Variants in SBF2 observed in about 807,000 individuals in gnomAD.
SBF2 encodes myotubularin-related protein 13.
SBF2 carries 112 observed loss-of-function variants against 225.2 expected under a neutral mutation model. The observed-to-expected ratio is 0.50, with a 90% CI of 0.43 to 0.58. SBF2 has a LOEUF of 0.58. Among genes scored for constraint, SBF2 ranks in the 20% least tolerant of loss-of-function variants. The pLI, the probability that SBF2 is intolerant of heterozygous loss-of-function variation, is 0.00. For missense variants in SBF2, 1,996 were observed against 2,206.2 expected, an observed-to-expected ratio of 0.90 and a Z score of 1.91; for synonymous variants, 763 against 773.3, an observed-to-expected ratio of 0.99 and a Z score of 0.22.
At chr11:10,261,018 C>G (rs1323310883) in intron 1 of SBF2, among the ~76,000 whole-genome samples, 1 of 152,118 alleles carries the variant, frequency 6.6e-6, no homozygotes, top group Non-Finnish European at 1.5e-5. Flanking sequence ...GGCAAATGAT[C>G]TGAACAGACC....
At chr11:9,880,033 G>A (rs1251223890) in intron 17 of SBF2, among the ~76,000 whole-genome samples, 1 of 135,554 alleles carries the variant, frequency 7.4e-6, no homozygotes, top group African/African-American at 2.8e-5. Flanking sequence ...GCAGTGAGAT[G>A]AGATCGTGCC....
intron 16 of SBF2, among the ~76,000 whole-genome samples, chr11:9,899,501 C>A (rs375073749): frequency 3.6e-3 from 463 of 129,934 alleles, no homozygotes; most frequent in Non-Finnish European, 3.7e-3. Flanking sequence ...GAGACACTGT[C>A]AAAAAAAAAA....
intron 1 of SBF2, among the ~76,000 whole-genome samples, chr11:10,249,123 AT>A (rs1960087741): frequency 6.6e-6 from 1 of 152,114 alleles, no homozygotes; most frequent in Admixed American, 6.5e-5. Flanking sequence ...AAGAAATTCT[AT>A]GTGTGAAAAT....
intron 16 of SBF2, among the ~76,000 whole-genome samples, chr11:9,928,389 C>A (rs555042927): frequency 1.3e-5 from 2 of 152,220 alleles, no homozygotes; most frequent in African/African-American, 4.8e-5. Context: ...CAAATTAAAA[C>A]CACATGAGAT....
chr11:9,782,863 C>G (rs1164774230), intron 38 of SBF2, among the ~76,000 whole-genome samples: 1 of 141,844 alleles, frequency 7.1e-6, no homozygotes, highest in Non-Finnish European at 1.5e-5. Flanking sequence ...AAGCGAGACT[C>G]TGTCTCAAAA....
chr11:9,932,923 G>A (rs1462830429), intron 16 of SBF2, among the ~76,000 whole-genome samples: 2 of 114,278 alleles, frequency 1.8e-5, no homozygotes, highest in African/African-American at 7.6e-5. Context: ...TCAAAATAAA[G>A]GGATGGAGGG....
At chr11:10,292,988 T>G (rs1407494642) in intron 1 of SBF2, among the ~76,000 whole-genome samples, 1 of 152,066 alleles carries the variant, frequency 6.6e-6, no homozygotes, top group African/African-American at 2.4e-5. Flanking sequence ...CAAGAGTGGG[T>G]AGAACAATGG....
In SBF2 at chr11:9,932,332, G is replaced by A. The variant is rs367893405; in HGVS notation, c.1860+29625C>T. Among the ~76,000 whole-genome samples the A allele has an allele frequency of 4.3e-4, 65 of 152,264 alleles. 1 individual carries two copies. In the East Asian group the frequency reaches 6.7e-3, roughly 16 times the overall value. On this transcript the variant is annotated intron_variant, in intron 16 of 39. Transcript: ENST00000256190. The stretch of plus-strand genomic sequence containing the variant: ...GCAACCCCAAGACACAGAATTGTCA[G>A]ATTCATCAAGGTTGAAATGAAGGAA...
intron 8 of SBF2, 70 bp downstream of exon 8, chr11:10,000,844 T>C: frequency 1.2e-6 from 1 of 814,188 alleles, no homozygotes; most frequent in Admixed American, 1.8e-5. Flanking sequence ...AGTTGAAATG[T>C]TATAGGACCC....
chr11:10,240,000 G>C (rs1959186252), intron 1 of SBF2, among the ~76,000 whole-genome samples: 1 of 152,094 alleles, frequency 6.6e-6, no homozygotes, highest in Non-Finnish European at 1.5e-5. Flanking sequence ...ATCAGCACTG[G>C]AGGTGCCCTT....
chr11:10,130,825 A>G (rs568028393), intron 2 of SBF2, among the ~76,000 whole-genome samples: 10 of 152,218 alleles, frequency 6.6e-5, no homozygotes, highest in East Asian at 5.8e-4. Flanking sequence ...TTTCACTTAC[A>G]TAATGCTCCT....
intron 17 of SBF2, among the ~76,000 whole-genome samples, chr11:9,877,391 A>C (rs543589672): frequency 6.6e-6 from 1 of 152,196 alleles, no homozygotes; most frequent in African/African-American, 2.4e-5. Flanking sequence ...CATTAATTAA[A>C]CCTAAATAAT....
rs754356362 is a variant in SBF2 at position 10,065,391 on chromosome 11, G to A, written c.142-22410C>T. Among the ~76,000 whole-genome samples, 163 of 151,818 alleles carry A rather than the reference G, an allele frequency of 1.1e-3. 1 individual carries two copies. Among genetic ancestry groups the A allele is most frequent in the Admixed American group, 2.0e-3 (30 of 15,244 alleles). On this transcript the variant is annotated intron_variant, in intron 2 of 39. Transcript: ENST00000256190. ...AAGTTAAATCAAAGTAAATAAACAA[G>A]AAAAGATAATAGGGATAAAAACAGA...
At chr11:10,151,414 T>C (rs1253024174) in intron 2 of SBF2, among the ~76,000 whole-genome samples, 1 of 152,184 alleles carries the variant, frequency 6.6e-6, no homozygotes, top group Non-Finnish European at 1.5e-5. Flanking sequence ...CAAAATATCT[T>C]TGAAAATGGT....
In SBF2 at chr11:10,137,758, G is replaced by A. The variant is rs1339422106; in HGVS notation, c.141+56144C>T. On this transcript the variant is annotated intron_variant, in intron 2 of 39. Coordinates refer to ENST00000256190, the MANE Select transcript of SBF2 (RefSeq NM_030962.4). ...GCGGTGGTTCACGTCTGTAATCCCAGCACTTTGGGAGGCCGAGGTGGGTGG... is the reference window on the plus strand; with the variant it reads ...GCGGTGGTTCACGTCTGTAATCCCAACACTTTGGGAGGCCGAGGTGGGTGG... Among the ~76,000 whole-genome samples, 4 of 152,108 alleles carry A rather than the reference G, an allele frequency of 2.6e-5. No homozygotes were observed. The East Asian group carries it at 5.8e-4, about 22-fold the overall frequency.
chr11:9,783,041 C>A (rs1852132397), intron 38 of SBF2: 1 of 152,076 alleles, frequency 6.6e-6, no homozygotes, highest in African/African-American at 2.4e-5. Context: ...TCCTCTCAGG[C>A]ATGGTATGAG....
intron 33 of SBF2, among the ~76,000 whole-genome samples, chr11:9,793,319 G>T (rs922986256): frequency 6.6e-6 from 1 of 152,010 alleles, no homozygotes; most frequent in African/African-American, 2.4e-5. Context: ...CTTGATCTAC[G>T]GCTCTACCCG....
chr11:10,151,908 A>G (rs1955214563), intron 2 of SBF2, among the ~76,000 whole-genome samples: 2 of 152,200 alleles, frequency 1.3e-5, no homozygotes, highest in African/African-American at 2.4e-5. Flanking sequence ...TGTCATCTTC[A>G]CTAAACGTTC....
At chr11:10,008,636 T>C (rs1343947787) in intron 6 of SBF2, among the ~76,000 whole-genome samples, 2 of 152,172 alleles carry the variant, frequency 1.3e-5, no homozygotes, top group African/African-American at 2.4e-5. Context: ...GCCAACTGCA[T>C]CAATGGGACA....
Sources: gnomAD v4.1 joint callset for allele counts (sites outside exome capture counted in the v4.1 genomes callset) on GRCh38, gnomAD v4.1.1 for gene constraint, MANE v1.5 for transcripts, NCBI Gene and HGNC (gene_info 2026-07-23, HGNC 2026-07-21) for gene names.